The following ARHGAP42 variants were observed in gnomAD, a reference collection of about 807,000 sequenced individuals.
ARHGAP42 encodes the protein Rho GTPase activating protein 42.
ARHGAP42 carries 63 observed loss-of-function variants against 125.0 expected under a neutral mutation model. That is an observed-to-expected ratio of 0.50 (90% CI 0.41 to 0.62). The LOEUF is 0.62. ARHGAP42 is among the 20% of genes least tolerant of loss of function. The pLI is 0.00. For missense variants in ARHGAP42, 766 were observed against 1,024.2 expected (o/e 0.75, Z 3.44); for synonymous variants, 339 against 351.0 (o/e 0.97, Z 0.38).
chr11:100,891,137 C>A (rs1285802714), intron 4 of ARHGAP42, among the ~76,000 whole-genome samples: 1 of 152,060 alleles, frequency 6.6e-6, no homozygotes, highest in Non-Finnish European at 1.5e-5. Context: ...GGAAGCATTG[C>A]CAAAAACATG....
At position 100,992,553 on chromosome 11, in the gene ARHGAP42, G is replaced by A. The variant is rs781576296; in HGVS notation, c.*3752G>A. 5.0e-5 allele frequency: 80 copies of A among 1,613,840 alleles called. No homozygotes were observed. Among genetic ancestry groups the A allele is most frequent in the Middle Eastern group, 1.6e-4 (1 of 6,082 alleles). On this transcript the variant is annotated 3_prime_UTR_variant, in exon 24 of 24. Coordinates refer to ENST00000298815, the MANE Select transcript of ARHGAP42 (RefSeq NM_152432.4). ...TGTCCTGCCTGTCTCCTGTTGATTCGCAGATGTAATATCGAGTATTCATCA... is the reference window on the plus strand; with the variant it reads ...TGTCCTGCCTGTCTCCTGTTGATTCACAGATGTAATATCGAGTATTCATCA...
intron 1 of ARHGAP42, among the ~76,000 whole-genome samples, chr11:100,754,015 A>G (rs533079161): frequency 6.6e-6 from 1 of 152,388 alleles, no homozygotes; most frequent in Non-Finnish European, 1.5e-5. Context: ...TCCAAGTGGC[A>G]GAGGCTGCCT....
intron 4 of ARHGAP42, among the ~76,000 whole-genome samples, chr11:100,908,198 G>T (rs1015252905): frequency 2.6e-5 from 4 of 152,176 alleles, no homozygotes; most frequent in African/African-American, 4.8e-5. Flanking sequence ...AATGGGGTTA[G>T]ATAACATTTC....
chr11:100,841,932 T>C (rs1864955197), intron 3 of ARHGAP42, among the ~76,000 whole-genome samples: 1 of 152,212 alleles, frequency 6.6e-6, no homozygotes, highest in Non-Finnish European at 1.5e-5. Context: ...ATCTTGTTTA[T>C]TTTTGGCTTA....
intron 22 of ARHGAP42, among the ~76,000 whole-genome samples, chr11:100,985,560 C>T (rs887079028): frequency 1.3e-5 from 2 of 152,180 alleles, no homozygotes; most frequent in Admixed American, 6.5e-5. Flanking sequence ...CCAACATACC[C>T]ACGTGCATGT....
chr11:100,918,246 A>G (rs186643195), intron 5 of ARHGAP42, among the ~76,000 whole-genome samples: 1 of 152,286 alleles, frequency 6.6e-6, no homozygotes, highest in Non-Finnish European at 1.5e-5. Flanking sequence ...ACTCTATCAC[A>G]TCACTCAAAC....
At chr11:100,809,220 T>C (rs1864079511) in intron 3 of ARHGAP42, among the ~76,000 whole-genome samples, 1 of 152,106 alleles carries the variant, frequency 6.6e-6, no homozygotes, top group Admixed American at 6.5e-5. Flanking sequence ...TAGGATTGTC[T>C]AGTTTTTCAT....
At chr11:100,777,123 G>C (rs569558926) in intron 2 of ARHGAP42, among the ~76,000 whole-genome samples, 2 of 152,312 alleles carry the variant, frequency 1.3e-5, no homozygotes, top group South Asian at 2.1e-4. Context: ...TACAGCATTG[G>C]CTGAGGTGCC....
chr11:100,744,745 A>G (rs182693242), intron 1 of ARHGAP42, among the ~76,000 whole-genome samples: 7 of 152,188 alleles, frequency 4.6e-5, no homozygotes, highest in Non-Finnish European at 1.0e-4. Flanking sequence ...TGGTTGTAGT[A>G]GCAATGTGCT....
intron 23 of ARHGAP42, among the ~76,000 whole-genome samples, chr11:100,988,060 G>A (rs1250689614): frequency 1.3e-5 from 2 of 152,060 alleles, no homozygotes; most frequent in African/African-American, 2.4e-5. Context: ...CCAGGGAGGC[G>A]GAGGTTGCAG....
chr11:100,791,725 G>A (rs936347322), intron 2 of ARHGAP42, among the ~76,000 whole-genome samples: 2 of 151,710 alleles, frequency 1.3e-5, no homozygotes, highest in African/African-American at 4.8e-5. Flanking sequence ...TGTCAGATTG[G>A]GGCCAGTCTC....
chr11:100,687,870 G>A, intron 1 of ARHGAP42, 38 bp downstream of exon 1: 3 of 1,509,018 alleles, frequency 2.0e-6, no homozygotes, highest in Non-Finnish European at 2.7e-6. Flanking sequence ...ACCCGCATCT[G>A]GAGAGTCCCC....
chr11:100,897,579 G>C (rs1866396408), intron 4 of ARHGAP42, among the ~76,000 whole-genome samples: 1 of 152,074 alleles, frequency 6.6e-6, no homozygotes, highest in Non-Finnish European at 1.5e-5. Context: ...TGGATTCCTA[G>C]GTATTTTATT....
intron 6 of ARHGAP42, among the ~76,000 whole-genome samples, chr11:100,929,398 G>A (rs59289461): frequency 1.3e-5 from 2 of 152,108 alleles, no homozygotes; most frequent in African/African-American, 2.4e-5. Flanking sequence ...TATTATAAAC[G>A]TTCATGTACA....
In ARHGAP42 at chr11:100,980,559, C is replaced by CTTTTTTTTT. The variant is rs763302463; in HGVS notation, c.2456+1532_2456+1540dup. Among the ~76,000 whole-genome samples the CTTTTTTTTT allele has an allele frequency of 6.9e-3, 358 of 51,928 alleles. 10 individuals are homozygous for CTTTTTTTTT. Among genetic ancestry groups the CTTTTTTTTT allele is most frequent in the Non-Finnish European group, 9.2e-3 (238 of 26,006 alleles). 34.1% of individuals were successfully genotyped at this position (51,928 alleles called of 152,430 possible). ...TCAAATCATACTTCTTTTTCTTCTT[C>CTTTTTTTTT]TTTTTTTTTTTTTTTTTTTTTTTTT... is the stretch of plus-strand genomic sequence containing the variant. On this transcript the variant is annotated intron_variant, in intron 22 of 23. Transcript: ENST00000298815.
intron 1 of ARHGAP42, among the ~76,000 whole-genome samples, chr11:100,712,424 A>C (rs1406595478): frequency 1.3e-5 from 2 of 152,220 alleles, no homozygotes; most frequent in African/African-American, 2.4e-5. Context: ...ATTATATGAA[A>C]AAAATTGCCT....
At chr11:100,689,240 T>C (rs548184313) in intron 1 of ARHGAP42, among the ~76,000 whole-genome samples, 19 of 152,350 alleles carry the variant, frequency 1.2e-4, no homozygotes, top group Non-Finnish European at 2.2e-4. Flanking sequence ...TTGTCTGCAA[T>C]TCTTGCCACC....
At chr11:100,975,612 A>G (rs561860329) in intron 19 of ARHGAP42, among the ~76,000 whole-genome samples, 32 of 152,208 alleles carry the variant, frequency 2.1e-4, no homozygotes, top group Admixed American at 3.3e-4. Flanking sequence ...GTAACTTGGA[A>G]TCAATCACCT....
intron 3 of ARHGAP42, among the ~76,000 whole-genome samples, chr11:100,853,912 T>C (rs1481678369): frequency 1.5e-5 from 2 of 130,646 alleles, no homozygotes; most frequent in Admixed American, 1.5e-4. Context: ...TCCTAATTCA[T>C]TGAAAAAAAA....
Sources: gnomAD v4.1 joint callset for allele counts (sites outside exome capture counted in the v4.1 genomes callset) on GRCh38, gnomAD v4.1.1 for gene constraint, MANE v1.5 for transcripts, NCBI Gene and HGNC (gene_info 2026-07-23, HGNC 2026-07-21) for gene names.